The following AHDC1 variants were observed in gnomAD, a reference collection of about 807,000 sequenced individuals.
The protein encoded by AHDC1 is AT-hook DNA binding motif containing 1, also known as transcription factor Gibbin.
AHDC1 carries 7 observed loss-of-function variants against 87.9 expected under a neutral mutation model. The observed-to-expected ratio is 0.08, with a 90% confidence interval of 0.05 to 0.15. The LOEUF is 0.15. Ranked by LOEUF, AHDC1 falls within the 10% of genes least tolerant of loss-of-function variation. AHDC1 has a pLI of 1.00. For synonymous variants in AHDC1, 1,051 were observed against 1,006.8 expected (o/e 1.04, Z -0.83); for missense variants, 1,841 against 2,253.2 (o/e 0.82, Z 3.70).
chr1:27,591,441 A>G (rs1250066356), intron 3 of AHDC1, among the ~76,000 whole-genome samples: 1 of 152,222 alleles, frequency 6.6e-6, no homozygotes, highest in East Asian at 1.9e-4. Context: ...CAATGCAGAA[A>G]GTGGCTCAGA....
chr1:27,558,898 A>C lies in AHDC1; in HGVS notation c.-628-15T>G. On this transcript the variant is annotated splice_polypyrimidine_tract_variant and intron_variant, in intron 3 of 8. Coordinates refer to ENST00000673934, the MANE Select transcript of AHDC1 (RefSeq NM_001371928.1). The surrounding 1 kb of genome is among the most constrained non-coding windows in gnomAD (Gnocchi z 5.6). ...CAAGCTCCCATCTGTGGAAGCAAAC[A>C]CAGCACCACAGAGATAAGCATGGAC... The C allele has an allele frequency of 2.5e-6, 1 of 398,652 alleles. No individual in the cohort carries two copies. The highest frequency in any genetic ancestry group is 4.4e-6 in the Non-Finnish European group (1 of 226,090). 24.7% of individuals were successfully genotyped at this position (398,652 alleles called of 1,614,324 possible). A position where few individuals can be genotyped will look rare whatever the true frequency, so the allele number is the denominator to read the frequency against.
rs2020024394 is a variant in AHDC1 at position 27,560,450 on chromosome 1, T to G, written c.-628-1567A>C. Among the ~76,000 whole-genome samples, 1 of 152,196 alleles carries G rather than the reference T, an allele frequency of 6.6e-6. No individual in the cohort carries two copies. Among genetic ancestry groups the G allele is most frequent in the Non-Finnish European group, 1.5e-5 (1 of 68,022 alleles). ...TGGGGGCGTGAGGCTGATCCTCTGC[T>G]GTCCCTGCAGGTTTCCAATCTCGAG... On this transcript the variant is annotated intron_variant, in intron 3 of 8. Transcript: ENST00000673934. The surrounding 1 kb of genome is among the most constrained non-coding windows in gnomAD (Gnocchi z 4.1).
Position 27,548,284 on chromosome 1 carries a change from C to G in AHDC1, c.3832G>C (p.Gly1278Arg), listed in dbSNP as rs2148264376. The G allele has an allele frequency of 6.2e-7, 1 of 1,608,110 alleles. No homozygotes were observed. Among genetic ancestry groups the G allele is most frequent in the East Asian group, 2.2e-5 (1 of 44,752 alleles). ...PRQPRGGRGG[G>R]ACSAKKERGG... The stretch of plus-strand genomic sequence containing the variant: ...CGCTCCTTCTTGGCTGAGCAGGCCC[C>G]ACCGCCCCGTCCACCTCGCGGCTGC... The change falls in exon 8 of 9, where the codon GGG (glycine) becomes CGG (arginine). Residue 1278 changes from glycine to arginine, a missense_variant. Coordinates refer to ENST00000673934, the MANE Select transcript of AHDC1 (RefSeq NM_001371928.1).
intron 3 of AHDC1, among the ~76,000 whole-genome samples, chr1:27,588,622 A>C (rs2089131414): frequency 6.6e-6 from 1 of 152,182 alleles, no homozygotes; most frequent in Non-Finnish European, 1.5e-5. Context: ...AGTGTTTATG[A>C]GAGACAGAGG....
chr1:27,557,610 C>A (rs2019883472), intron 5 of AHDC1, among the ~76,000 whole-genome samples: 1 of 152,218 alleles, frequency 6.6e-6, no homozygotes, highest in Non-Finnish European at 1.5e-5. Flanking sequence ...CACCCAGAAC[C>A]CTGAGCACAC....
Position 27,547,452 on chromosome 1 carries a change from G to A in AHDC1, c.4664C>T (p.Ser1555Leu), listed in dbSNP as rs781513175. 26 of 1,591,026 alleles carry A rather than the reference G, an allele frequency of 1.6e-5. No homozygotes were observed. Among genetic ancestry groups the A allele is most frequent in the South Asian group, 3.4e-5 (3 of 89,404 alleles). The change falls in exon 8 of 9, where the codon TCG becomes TTG. Residue 1555 changes from serine (S) to leucine (L), a missense_variant. Ser to Leu is a moderately radical substitution (Grantham distance 145, BLOSUM62 -2). Transcript: ENST00000673934. This position sits in a 1 kb window ranked among gnomAD's most constrained non-coding sequence, Gnocchi z 4.9. ...GGCGGTGTCCTGCAGGGGCAGCAGC[G>A]AGTCCCTCGGCACGGGGGACAGGGT... ...DLTLSPVPRD[S>L]LLPLQDTAYR...
intron 3 of AHDC1, among the ~76,000 whole-genome samples, chr1:27,600,320 G>C (rs2089496576): frequency 1.3e-5 from 2 of 152,076 alleles, no homozygotes; most frequent in South Asian, 2.1e-4. Flanking sequence ...CCCAGAGACA[G>C]AGCTGGGCTC....
intron 8 of AHDC1, among the ~76,000 whole-genome samples, chr1:27,539,329 G>C (rs1055694147): frequency 6.6e-6 from 1 of 151,228 alleles, no homozygotes; most frequent in African/African-American, 2.4e-5. Flanking sequence ...TAGAGATGGG[G>C]TCTTACTATG....
Position 27,549,924 on chromosome 1 carries a change from A to G in AHDC1, c.2192T>C (p.Val731Ala). 6.2e-7 allele frequency: 1 copy of G among 1,611,860 alleles called. No homozygotes were observed. The highest frequency in any genetic ancestry group is 2.2e-5 in the East Asian group (1 of 44,790). ...CTTTGGCTTCCCAGTCACAGCGTCT[A>G]CCTCCCCCCGGCCCCGTTTGCGTGG... ...GHPRKRGRGEVDAVTGKPKRK... is the reference protein window; with the variant it reads ...GHPRKRGRGEADAVTGKPKRK... The change falls in exon 8 of 9, where the codon GTA (valine) becomes GCA (alanine). Residue 731 changes from valine to alanine, a missense_variant. This residue lies in a region of AHDC1 where 236 missense variants were observed against 257.9 expected (regional missense o/e 0.92). Coordinates refer to ENST00000673934, the MANE Select transcript of AHDC1 (RefSeq NM_001371928.1).
rs771598246 is a variant in AHDC1 at position 27,547,287 on chromosome 1, C to T, written c.*17G>A. The T allele has an allele frequency of 1.1e-5, 17 of 1,518,026 alleles. No individual in the cohort carries two copies. The highest frequency in any genetic ancestry group is 8.4e-5 in the African/African-American group (6 of 71,744). The allele number at this position is 1,518,026 out of a possible 1,614,324, so 94.0% of individuals were successfully genotyped here. ...CAGGAACAAAACCTCGCGGTCCAGTCGGCACTTCAGTTGGCACTACAGGGA... is the reference window on the plus strand; with the variant it reads ...CAGGAACAAAACCTCGCGGTCCAGTTGGCACTTCAGTTGGCACTACAGGGA... On this transcript the variant is annotated 3_prime_UTR_variant, in exon 8 of 9. Coordinates refer to ENST00000673934, the MANE Select transcript of AHDC1 (RefSeq NM_001371928.1). This position sits in a 1 kb window ranked among gnomAD's most constrained non-coding sequence, Gnocchi z 4.9.
chr1:27,550,697 G>A lies in AHDC1; in HGVS notation c.1419C>T (p.Arg473=). 2 of 1,610,912 alleles carry A rather than the reference G, an allele frequency of 1.2e-6. No individual in the cohort carries two copies. The highest frequency in any genetic ancestry group is 1.7e-6 in the Non-Finnish European group (2 of 1,178,942). Residue 473 remains arginine (R), a synonymous_variant, in exon 8 of 9, where the codon CGC becomes CGT. Coordinates refer to ENST00000673934, the MANE Select transcript of AHDC1 (RefSeq NM_001371928.1). ...GGATCTTGGCCATCTTCACCACCAT[G>A]CGCCGCACGCCCCGGCACTTGCCTT... The part of the protein sequence containing the change: ...TRKGKCRGVR[R]MVVKMAKIPV...
At chr1:27,539,822 T>C (rs1308995047) in intron 8 of AHDC1, among the ~76,000 whole-genome samples, 2 of 152,244 alleles carry the variant, frequency 1.3e-5, no homozygotes, top group East Asian at 3.9e-4. Flanking sequence ...ATTCCCTCCT[T>C]AAGGTTCTTC....
At chr1:27,582,933 G>A (rs1037768649) in intron 3 of AHDC1, among the ~76,000 whole-genome samples, 2 of 151,866 alleles carry the variant, frequency 1.3e-5, no homozygotes, top group African/African-American at 4.8e-5. Flanking sequence ...TTTTTTTTGA[G>A]ACGGAGTCTT....
intron 8 of AHDC1, among the ~76,000 whole-genome samples, chr1:27,546,100 G>A (rs1348993259): frequency 1.3e-5 from 2 of 152,164 alleles, no homozygotes; most frequent in Admixed American, 6.5e-5. Flanking sequence ...ACTCCTCCAG[G>A]AAGAGAAACT....
In AHDC1 at chr1:27,547,962, T is replaced by C. The variant is rs1237606231; in HGVS notation, c.4154A>G (p.His1385Arg). The change falls in exon 8 of 9, where the codon CAC becomes CGC. Residue 1385 changes from histidine (H) to arginine (R), a missense_variant. Coordinates refer to ENST00000673934, the MANE Select transcript of AHDC1 (RefSeq NM_001371928.1). This position sits in a 1 kb window ranked among gnomAD's most constrained non-coding sequence, Gnocchi z 4.9. The stretch of plus-strand genomic sequence containing the variant: ...GCCGGCGTCAAACACCGTGGGTGGG[T>C]GGGCCAGCGGTGGGAAATGCTTGCC... The part of the protein sequence containing the change: ...LDGKHFPPLA[H>R]PPTVFDAGLQ... The C allele has an allele frequency of 6.3e-7, 1 of 1,597,536 alleles. No individual in the cohort carries two copies. Among genetic ancestry groups the C allele is most frequent in the Admixed American group, 1.7e-5 (1 of 59,572 alleles).
At chr1:27,541,722 C>A (rs759549364) in intron 8 of AHDC1, among the ~76,000 whole-genome samples, 2 of 151,096 alleles carry the variant, frequency 1.3e-5, no homozygotes, top group Admixed American at 1.3e-4. Context: ...CTCCGCCTCC[C>A]GGGATCAAGC....
chr1:27,575,730 G>A (rs1210032626), intron 3 of AHDC1, among the ~76,000 whole-genome samples: 1 of 151,744 alleles, frequency 6.6e-6, no homozygotes. Flanking sequence ...CCGGGCGGGG[G>A]CCAAGCCGGC....
chr1:27,589,530 G>A (rs1321325347), intron 3 of AHDC1, among the ~76,000 whole-genome samples: 4 of 152,152 alleles, frequency 2.6e-5, no homozygotes, highest in East Asian at 1.9e-4. Context: ...GGGTCCATGC[G>A]GCCTTGGTGT....
chr1:27,599,858 A>G (rs1429354443), intron 3 of AHDC1, among the ~76,000 whole-genome samples: 1 of 151,624 alleles, frequency 6.6e-6, no homozygotes, highest in Non-Finnish European at 1.5e-5. Flanking sequence ...AAACCCTGGA[A>G]TCTGTCTCCC....
Sources: allele counts gnomAD v4.1 joint callset (sites outside exome capture counted in the v4.1 genomes callset), GRCh38; gene constraint gnomAD v4.1.1; regional missense constraint gnomAD v4.1.1; non-coding constraint Gnocchi (gnomAD v3.1); transcripts MANE v1.5; gene names NCBI Gene and HGNC (gene_info 2026-07-23, HGNC 2026-07-21).